CLEC16A: variants seen among roughly 807,000 people sequenced by gnomAD.
The protein encoded by CLEC16A is protein CLEC16A.
In CLEC16A, 51 loss-of-function variants were observed where a neutral mutation model predicts 109.5. The ratio of observed to expected loss-of-function variants is 0.47; its 90% confidence interval spans 0.37 to 0.59. The LOEUF (loss-of-function observed/expected upper bound fraction) is 0.59, where lower values mean the gene tolerates loss of function less well. Among genes scored for constraint, CLEC16A ranks in the 20% least tolerant of loss-of-function variants. The pLI is 0.00. For synonymous variants in CLEC16A, 673 were observed against 564.2 expected (o/e 1.19, Z -2.73); for missense variants, 1,339 against 1,394.0 (o/e 0.96, Z 0.63).
chr16:11,122,906 T>TTC (rs2052536458), intron 20 of CLEC16A, among the ~76,000 whole-genome samples: 1 of 138,400 alleles, frequency 7.2e-6, no homozygotes, highest in African/African-American at 2.7e-5. Flanking sequence ...CTTTTTTTTT[T>TTC]TTTTTTTTTT....
chr16:11,039,164 C>A (rs2047183657), intron 13 of CLEC16A, among the ~76,000 whole-genome samples: 1 of 152,134 alleles, frequency 6.6e-6, no homozygotes, highest in African/African-American at 2.4e-5. Flanking sequence ...TTTCTACTCC[C>A]TTCCCTGTGT....
intron 1 of CLEC16A, among the ~76,000 whole-genome samples, chr16:10,951,386 G>GT (rs140911876): frequency 0.17 from 25,936 of 152,140 alleles, 2,710 homozygotes; most frequent in Middle Eastern, 0.23. Context: ...TCTATTTGGT[G>GT]TTTTTTTAAT....
At chr16:10,976,741 A>T (rs989361792) in intron 7 of CLEC16A, among the ~76,000 whole-genome samples, 2 of 152,120 alleles carry the variant, frequency 1.3e-5, no homozygotes, top group African/African-American at 4.8e-5. Flanking sequence ...CTGCTGGGAG[A>T]CGGAGACCTC....
chr16:11,165,379 C>G (rs1430369207), intron 22 of CLEC16A, among the ~76,000 whole-genome samples: 2 of 152,054 alleles, frequency 1.3e-5, no homozygotes, highest in Non-Finnish European at 2.9e-5. Flanking sequence ...GTAGTCCCAG[C>G]TGCTCAAGAG....
chr16:11,166,785 C>T (rs1273271542), intron 23 of CLEC16A, among the ~76,000 whole-genome samples: 7 of 152,220 alleles, frequency 4.6e-5, no homozygotes, highest in South Asian at 4.1e-4. Flanking sequence ...CGGTCCCCAC[C>T]GAAGCTGTCA....
Position 10,952,939 on chromosome 16 carries a change from A to T in CLEC16A, c.81-4843A>T, listed in dbSNP as rs1221538747. On this transcript the variant is annotated intron_variant, in intron 1 of 23. Coordinates refer to ENST00000409790, the MANE Select transcript of CLEC16A (RefSeq NM_015226.3). ...GCTGTAAATATCAGAATGTTACACTATTGTAAATATGTCAGTTCTCTCCAA... is the reference window on the plus strand; with the variant it reads ...GCTGTAAATATCAGAATGTTACACTTTTGTAAATATGTCAGTTCTCTCCAA... Among the ~76,000 whole-genome samples the T allele has an allele frequency of 4.6e-5, 7 of 152,370 alleles. No homozygotes were observed. In the East Asian group the frequency reaches 1.3e-3, roughly 29 times the overall value.
intron 19 of CLEC16A, among the ~76,000 whole-genome samples, chr16:11,083,360 T>C (rs920230959): frequency 2.6e-5 from 4 of 152,112 alleles, no homozygotes; most frequent in African/African-American, 9.7e-5. Context: ...GACAGTATTT[T>C]GCCATTTTGC....
At chr16:10,967,946 A>C (rs1363380677) in intron 3 of CLEC16A, among the ~76,000 whole-genome samples, 2 of 152,248 alleles carry the variant, frequency 1.3e-5, no homozygotes, top group East Asian at 3.8e-4. Flanking sequence ...TCCGTGGCGC[A>C]GGGCCGGGGC....
intron 3 of CLEC16A, among the ~76,000 whole-genome samples, chr16:10,964,530 G>C (rs1211385113): frequency 6.6e-6 from 1 of 152,202 alleles, no homozygotes; most frequent in Admixed American, 6.5e-5. Context: ...GCGTGAGCGT[G>C]AGAGCAGGTG....
chr16:10,951,862 A>G (rs8055123), intron 1 of CLEC16A, among the ~76,000 whole-genome samples: 30,911 of 152,212 alleles, frequency 0.2, 3,615 homozygotes, highest in African/African-American at 0.31. Flanking sequence ...GTTATCACTC[A>G]CACAATTAGG....
Position 11,051,609 on chromosome 16 carries a change from C to T in CLEC16A, c.1963C>T (p.Leu655=). Residue 655 remains leucine (L), a synonymous_variant, in exon 18 of 24, where the codon CTG becomes TTG. Coordinates refer to ENST00000409790, the MANE Select transcript of CLEC16A (RefSeq NM_015226.3). ...GACGGGCATTGACTTCGTGAAGCGG[C>T]TGCCGTGTGGCGATGTGGAGAAGAC... ...PLTGIDFVKR[L]PCGDVEKTRR... The T allele has an allele frequency of 1.2e-6, 2 of 1,614,056 alleles. No homozygotes were observed. The highest frequency in any genetic ancestry group is 1.7e-6 in the Non-Finnish European group (2 of 1,179,892).
At chr16:11,056,917 G>A (rs1041271464) in intron 18 of CLEC16A, 2 of 152,118 alleles carry the variant, frequency 1.3e-5, no homozygotes, top group African/African-American at 4.8e-5. Flanking sequence ...TGTTGTCACA[G>A]TTTAAATAAG....
At chr16:11,026,292 A>T (rs1434792616) in intron 13 of CLEC16A, among the ~76,000 whole-genome samples, 1 of 152,100 alleles carries the variant, frequency 6.6e-6, no homozygotes, top group Non-Finnish European at 1.5e-5. Context: ...CTGAATATGG[A>T]GTTGTCTTTG....
chr16:11,181,531 C>G lies in CLEC16A; in HGVS notation c.*2841C>G, dbSNP rs1186639595. The G allele has an allele frequency of 6.6e-6, 1 of 152,362 alleles. No individual in the cohort carries two copies. The highest frequency in any genetic ancestry group is 1.5e-5 in the Non-Finnish European group (1 of 68,114). The allele number at this position is 152,362 out of a possible 1,614,324, so 9.4% of individuals were successfully genotyped here. On this transcript the variant is annotated 3_prime_UTR_variant, in exon 24 of 24. Transcript: ENST00000409790. ...GGGCTGGCCGCAGGAACTCCCAAAC[C>G]TTGGCTTTGAATATTGTTGTGGAGG...
intron 2 of CLEC16A, 81 bp downstream of exon 2, chr16:10,957,991 A>G (rs1365875158): frequency 5.8e-6 from 8 of 1,381,832 alleles, no homozygotes; most frequent in Admixed American, 1.8e-5. Context: ...GTCATTCTGG[A>G]TGATGTCAGG....
intron 11 of CLEC16A, among the ~76,000 whole-genome samples, chr16:11,009,466 G>A (rs2045264518): frequency 6.6e-6 from 1 of 152,180 alleles, no homozygotes; most frequent in South Asian, 2.1e-4. Context: ...CAGAGGGTCT[G>A]GGTGGTACTG....
At position 10,986,229 on chromosome 16, in the gene CLEC16A, A is replaced by G. The variant is rs1010906067; in HGVS notation, c.1071+3238A>G. Among the ~76,000 whole-genome samples the G allele has an allele frequency of 4.6e-5, 7 of 150,636 alleles. 1 individual carries two copies. The South Asian group carries it at 8.4e-4, about 18-fold the overall frequency. ...GTATTTTTAGTAGAGACGGGGTTTC[A>G]CTATGTTAGCCAGGATGGTCTCAAT... On this transcript the variant is annotated intron_variant, in intron 10 of 23. Transcript: ENST00000409790.
At chr16:11,165,483 C>T (rs2068219405) in intron 22 of CLEC16A, among the ~76,000 whole-genome samples, 1 of 152,104 alleles carries the variant, frequency 6.6e-6, no homozygotes, top group African/African-American at 2.4e-5. Context: ...CAGAGTGAAA[C>T]CCTATCGCAA....
intron 3 of CLEC16A, among the ~76,000 whole-genome samples, chr16:10,967,895 C>A (rs1395070464): frequency 6.6e-6 from 1 of 152,152 alleles, no homozygotes; most frequent in African/African-American, 2.4e-5. Context: ...CTGCACACTT[C>A]TCACATGCAG....
Sources: gnomAD v4.1 joint callset for allele counts (sites outside exome capture counted in the v4.1 genomes callset) on GRCh38, gnomAD v4.1.1 for gene constraint, MANE v1.5 for transcripts, NCBI Gene and HGNC (gene_info 2026-07-23, HGNC 2026-07-21) for gene names.